SLC14A2: variants seen among roughly 807,000 people sequenced by gnomAD.
SLC14A2 encodes the protein urea transporter 2.
SLC14A2 carries 91 observed loss-of-function variants against 104.6 expected under a neutral mutation model. The ratio of observed to expected loss-of-function variants is 0.87; its 90% CI spans 0.73 to 1.04. The LOEUF (loss-of-function observed/expected upper bound fraction) is 1.04, where lower values mean the gene tolerates loss of function less well. Among genes scored for constraint, SLC14A2 ranks in the 50% least tolerant of loss-of-function variants. The pLI, the probability that SLC14A2 is intolerant of heterozygous loss-of-function variation, is 0.00. For missense variants in SLC14A2, 1,189 were observed against 1,156.0 expected (o/e 1.03, Z -0.41); for synonymous variants, 476 against 466.4 (o/e 1.02, Z -0.27).
intron 17 of SLC14A2, among the ~76,000 whole-genome samples, 193 bp downstream of exon 17, chr18:45,673,240 G>A (rs1212689313): frequency 2.0e-5 from 3 of 152,196 alleles, no homozygotes; most frequent in African/African-American, 7.2e-5. Flanking sequence ...CCTCAAGAAA[G>A]GCTTTGGTGT....
At chr18:45,569,726 T>C (rs1206555792) in intron 2 of SLC14A2, among the ~76,000 whole-genome samples, 1 of 152,148 alleles carries the variant, frequency 6.6e-6, no homozygotes, top group African/African-American at 2.4e-5. Flanking sequence ...AAATAATCTG[T>C]CTACCAAGAG....
intron 1 of SLC14A2, among the ~76,000 whole-genome samples, chr18:45,619,290 C>T (rs140456566): frequency 5.3e-5 from 8 of 152,244 alleles, no homozygotes; most frequent in African/African-American, 1.7e-4. Flanking sequence ...TCTGCACCGC[C>T]CTCTTGCCCT....
At chr18:45,648,216 T>C (rs1464760965) in intron 10 of SLC14A2, among the ~76,000 whole-genome samples, 5 of 91,510 alleles carry the variant, frequency 5.5e-5, no homozygotes, top group African/African-American at 2.3e-4. Flanking sequence ...TTTTTTTTTT[T>C]TTTTTTTGAG....
intron 2 of SLC14A2, among the ~76,000 whole-genome samples, chr18:45,524,709 AC>A (rs1282006295): frequency 1.3e-5 from 2 of 152,168 alleles, no homozygotes; most frequent in Admixed American, 1.3e-4. Context: ...AGAACACAGG[AC>A]CGTATACGAA....
rs1057464872 is a variant in SLC14A2 at position 45,517,536 on chromosome 18, G to A, written c.-35+34214G>A. Among the ~76,000 whole-genome samples the A allele has an allele frequency of 9.2e-5, 14 of 152,202 alleles. No individual in the cohort carries two copies. In the East Asian group the frequency reaches 1.9e-3, roughly 21 times the overall value. ...AGGGTTTGTTATTCTTTTAATTGTG[G>A]CATTAAACCTCAGGCTGGAATTGCA... On this transcript the variant is annotated intron_variant, in intron 2 of 20. Transcript: ENST00000586448.
intron 1 of SLC14A2, among the ~76,000 whole-genome samples, chr18:45,355,214 TAGTA>T (rs1434806533): frequency 6.6e-6 from 1 of 152,110 alleles, no homozygotes; most frequent in East Asian, 1.9e-4. Flanking sequence ...GCCTGGCACA[TAGTA>T]AGTGCTCAAA....
At chr18:45,378,954 C>A (rs1171011577) in intron 1 of SLC14A2, among the ~76,000 whole-genome samples, 2 of 152,134 alleles carry the variant, frequency 1.3e-5, no homozygotes, top group Non-Finnish European at 2.9e-5. Context: ...TGAAAAGATA[C>A]CTGACGAAAG....
At chr18:45,333,052 G>A (rs1483001941) in intron 1 of SLC14A2, among the ~76,000 whole-genome samples, 1 of 152,172 alleles carries the variant, frequency 6.6e-6, no homozygotes, top group Non-Finnish European at 1.5e-5. Flanking sequence ...TTATCATTCA[G>A]CAAGGCTTTT....
intron 1 of SLC14A2, among the ~76,000 whole-genome samples, chr18:45,338,936 T>C (rs1209726300): frequency 1.3e-5 from 2 of 149,404 alleles, no homozygotes; most frequent in Non-Finnish European, 3.0e-5. Context: ...TAGATTCTTA[T>C]ACCTTTTTTT....
chr18:45,396,045 C>T (rs976547745), intron 1 of SLC14A2, among the ~76,000 whole-genome samples: 1 of 152,170 alleles, frequency 6.6e-6, no homozygotes, highest in Admixed American at 6.6e-5. Context: ...TATCCCACAA[C>T]TGGAGTATAA....
chr18:45,280,676 G>A (rs2084753310), intron 1 of SLC14A2, among the ~76,000 whole-genome samples: 1 of 152,110 alleles, frequency 6.6e-6, no homozygotes, highest in Admixed American at 6.5e-5. Context: ...TTTGTCATTG[G>A]GGTTTTCCTG....
intron 1 of SLC14A2, among the ~76,000 whole-genome samples, chr18:45,361,178 C>A (rs1307987415): frequency 6.6e-6 from 1 of 152,154 alleles, no homozygotes; most frequent in Non-Finnish European, 1.5e-5. Context: ...GATGAAGTCA[C>A]CCTGGATTGT....
chr18:45,500,450 G>A (rs376331905), intron 2 of SLC14A2, among the ~76,000 whole-genome samples: 4 of 151,998 alleles, frequency 2.6e-5, no homozygotes, highest in South Asian at 2.1e-4. Context: ...GGTAGCGGGC[G>A]CCTGTAGTCC....
chr18:45,580,057 A>G (rs916194654), intron 2 of SLC14A2, among the ~76,000 whole-genome samples: 2 of 152,152 alleles, frequency 1.3e-5, no homozygotes, highest in African/African-American at 4.8e-5. Flanking sequence ...GGGGAAATAA[A>G]TTGCAGCAGA....
At chr18:45,310,339 C>T (rs1212812806) in intron 1 of SLC14A2, among the ~76,000 whole-genome samples, 2 of 152,152 alleles carry the variant, frequency 1.3e-5, no homozygotes. Context: ...ACCTCTTCAC[C>T]CACACTTAGT....
At chr18:45,272,185 G>A (rs2084658010) in intron 1 of SLC14A2, among the ~76,000 whole-genome samples, 1 of 152,034 alleles carries the variant, frequency 6.6e-6, no homozygotes, top group Non-Finnish European at 1.5e-5. Context: ...ATAGTTTGGA[G>A]GTTCCTCAAA....
chr18:45,329,841 G>T (rs1350448659), intron 1 of SLC14A2, among the ~76,000 whole-genome samples: 1 of 152,064 alleles, frequency 6.6e-6, no homozygotes, highest in Non-Finnish European at 1.5e-5. Flanking sequence ...CAAAAACTTA[G>T]GTAAACTCAA....
chr18:45,348,892 T>A (rs2085475101), intron 1 of SLC14A2, among the ~76,000 whole-genome samples: 1 of 152,210 alleles, frequency 6.6e-6, no homozygotes, highest in African/African-American at 2.4e-5. Context: ...TGGCTCTGCC[T>A]TCCTTTTACA....
chr18:45,547,816 T>G (rs913146014), intron 2 of SLC14A2, among the ~76,000 whole-genome samples: 9 of 152,118 alleles, frequency 5.9e-5, no homozygotes, highest in African/African-American at 2.2e-4. Flanking sequence ...CAGGAAGACG[T>G]TTTTATAGAA....
Sources: allele counts gnomAD v4.1 joint callset (sites outside exome capture counted in the v4.1 genomes callset), GRCh38; gene constraint gnomAD v4.1.1; transcripts MANE v1.5; gene names NCBI Gene and HGNC (gene_info 2026-07-23, HGNC 2026-07-21).